NECAB1: variants seen among roughly 807,000 people sequenced by gnomAD.
NECAB1 encodes N-terminal EF-hand calcium binding protein 1.
Under a neutral mutation model 57.5 loss-of-function variants are expected in NECAB1, and 29 were observed. The observed-to-expected ratio is 0.50, with a 90% confidence interval of 0.38 to 0.69. The LOEUF is 0.69. NECAB1 is among the 30% of genes least tolerant of loss of function. The pLI, the probability that NECAB1 is intolerant of heterozygous loss-of-function variation, is 0.00. For synonymous variants in NECAB1, 142 were observed against 147.7 expected (o/e 0.96, Z 0.28); for missense variants, 372 against 413.8 (o/e 0.90, Z 0.88).
chr8:90,941,164 C>A (rs1484920136), intron 10 of NECAB1, among the ~76,000 whole-genome samples: 2 of 152,212 alleles, frequency 1.3e-5, no homozygotes, highest in African/African-American at 4.8e-5. Flanking sequence ...AATAGAACAA[C>A]TTGAATGAAG....
At chr8:90,921,736 T>G (rs771585323) in intron 6 of NECAB1, among the ~76,000 whole-genome samples, 5 of 151,912 alleles carry the variant, frequency 3.3e-5, no homozygotes, top group Middle Eastern at 3.2e-3. Flanking sequence ...TCTAGGATTG[T>G]GATAATTTGC....
chr8:90,906,891 A>ATATATATATATATATGTATGTATATATG (rs71266150), intron 5 of NECAB1, among the ~76,000 whole-genome samples: 2 of 113,400 alleles, frequency 1.8e-5, no homozygotes, highest in East Asian at 2.3e-4. Flanking sequence ...ATATATATAT[A>ATATATATATATATATGTATGTATATATG]TATATATATA....
At chr8:90,887,914 A>G (rs915910811) in intron 5 of NECAB1, among the ~76,000 whole-genome samples, 78 of 152,192 alleles carry the variant, frequency 5.1e-4, no homozygotes, top group African/African-American at 1.7e-3. Flanking sequence ...CTTAAAAAAA[A>G]TTCTTAACAG....
chr8:90,910,207 A>C (rs1809795002), intron 5 of NECAB1, among the ~76,000 whole-genome samples: 2 of 140,714 alleles, frequency 1.4e-5, no homozygotes, highest in African/African-American at 2.5e-5. Flanking sequence ...CATTTCTTGA[A>C]ATCTTTTTCT....
chr8:90,920,149 T>A (rs1038546), intron 6 of NECAB1, among the ~76,000 whole-genome samples: 5 of 152,088 alleles, frequency 3.3e-5, no homozygotes, highest in African/African-American at 1.2e-4. Context: ...AAATGTTACA[T>A]GTCTGACTGC....
chr8:90,933,118 CACT>C (rs1810449435), intron 8 of NECAB1, among the ~76,000 whole-genome samples: 1 of 152,184 alleles, frequency 6.6e-6, no homozygotes, highest in African/African-American at 2.4e-5. Flanking sequence ...AACACTTCTA[CACT>C]GCTGGTGGGA....
At position 90,851,919 on chromosome 8, in the gene NECAB1, G is replaced by T. The variant is rs528828833; in HGVS notation, c.234-20209G>T. Reference sequence around the variant, plus strand: ...TTTCACTGCCCTAAGTTCGTCTGTGGTCCACCTGTGCATCCCTCCCCACCC... The same window carrying T: ...TTTCACTGCCCTAAGTTCGTCTGTGTTCCACCTGTGCATCCCTCCCCACCC... On this transcript the variant is annotated intron_variant, in intron 3 of 12. Coordinates refer to ENST00000417640, the MANE Select transcript of NECAB1 (RefSeq NM_022351.5). Among the ~76,000 whole-genome samples the T allele has an allele frequency of 2.6e-5, 4 of 152,152 alleles. No individual in the cohort carries two copies. The East Asian group carries it at 7.7e-4, about 29-fold the overall frequency.
At chr8:90,892,298 T>G (rs1809201470) in intron 5 of NECAB1, among the ~76,000 whole-genome samples, 1 of 152,188 alleles carries the variant, frequency 6.6e-6, no homozygotes, top group African/African-American at 2.4e-5. Flanking sequence ...GAAATGTCCC[T>G]TGATTTTCTT....
intron 9 of NECAB1, among the ~76,000 whole-genome samples, chr8:90,938,941 T>C (rs1201887802): frequency 4.6e-5 from 7 of 152,340 alleles, no homozygotes; most frequent in Admixed American, 4.6e-4. Context: ...AAGCTGTATG[T>C]TAGCTTTGCT....
intron 10 of NECAB1, among the ~76,000 whole-genome samples, chr8:90,948,591 T>G (rs928464297): frequency 1.3e-5 from 2 of 152,248 alleles, no homozygotes; most frequent in Admixed American, 6.5e-5. Context: ...ATTGTTTTTC[T>G]AACCCCTCGT....
At chr8:90,799,152 T>C (rs1811719520) in intron 1 of NECAB1, among the ~76,000 whole-genome samples, 1 of 152,138 alleles carries the variant, frequency 6.6e-6, no homozygotes, top group African/African-American at 2.4e-5. Context: ...AATGGGGTTC[T>C]TTTTTGTTTT....
intron 10 of NECAB1, 44 bp downstream of exon 10, chr8:90,940,942 G>A: frequency 7.2e-7 from 1 of 1,388,760 alleles, no homozygotes; most frequent in Non-Finnish European, 1.0e-6. Flanking sequence ...GGCAGCCTGG[G>A]AATACAGTGA....
At position 90,803,290 on chromosome 8, in the gene NECAB1, A is replaced by T. The variant is rs142441323; in HGVS notation, c.124+1575A>T. 4.2e-4 allele frequency among the ~76,000 whole-genome samples: 64 copies of T among 152,274 alleles called. No individual in the cohort carries two copies. In the East Asian group the frequency reaches 0.011, roughly 25 times the overall value. ...TTTTGCCTGATATCCAGCCCCAGGG[A>T]TGCCTGGTGTACAATTGAATAGCCC... is the stretch of plus-strand genomic sequence containing the variant. On this transcript the variant is annotated intron_variant, in intron 2 of 12. Transcript: ENST00000417640.
At chr8:90,907,154 G>GAA (rs1809707249) in intron 5 of NECAB1, among the ~76,000 whole-genome samples, 1 of 108,694 alleles carries the variant, frequency 9.2e-6, no homozygotes, top group Non-Finnish European at 1.8e-5. Context: ...GTGTGTGTGA[G>GAA]AGAGAGAGAG....
At chr8:90,837,261 A>G (rs922147145) in intron 3 of NECAB1, among the ~76,000 whole-genome samples, 21 of 152,252 alleles carry the variant, frequency 1.4e-4, no homozygotes, top group Non-Finnish European at 2.8e-4. Context: ...TTTATCTGCC[A>G]GGGATAAGTT....
At position 90,957,629 on chromosome 8, in the gene NECAB1, A is replaced by G. The variant is rs1811055430; in HGVS notation, c.*2117A>G. On this transcript the variant is annotated 3_prime_UTR_variant, in exon 13 of 13. Transcript: ENST00000417640. Reference sequence around the variant, plus strand: ...TGTGTGTGAGTGTGTATTCACATACACATATATACTGGAACCTATAGTAGA... The same window carrying G: ...TGTGTGTGAGTGTGTATTCACATACGCATATATACTGGAACCTATAGTAGA... 6.6e-6 allele frequency: 1 copy of G among 150,852 alleles called. No homozygotes were observed. The highest frequency in any genetic ancestry group is 1.5e-5 in the Non-Finnish European group (1 of 67,508). The allele number at this position is 150,852 out of a possible 1,614,324, so 9.3% of individuals were successfully genotyped here.
At chr8:90,875,308 C>T (rs960796186) in intron 4 of NECAB1, among the ~76,000 whole-genome samples, 1 of 150,090 alleles carries the variant, frequency 6.7e-6, no homozygotes, top group African/African-American at 2.5e-5. Flanking sequence ...GGTGAAACCC[C>T]GTCTCTACTA....
intron 3 of NECAB1, among the ~76,000 whole-genome samples, chr8:90,863,353 A>G (rs564102963): frequency 9.9e-5 from 15 of 152,142 alleles, no homozygotes; most frequent in Non-Finnish European, 2.1e-4. Flanking sequence ...ACAATTTTTC[A>G]TTGCATAAAA....
In NECAB1 at chr8:90,875,208, G is replaced by A. The variant is rs1007818709; in HGVS notation, c.259+3055G>A. Reference sequence around the variant, plus strand: ...TAAGAATAGATAGTTGAGGCCGGGCGCGGTGGCTCACGCCTGTAATCCCAG... The same window carrying A: ...TAAGAATAGATAGTTGAGGCCGGGCACGGTGGCTCACGCCTGTAATCCCAG... On this transcript the variant is annotated intron_variant, in intron 4 of 12. Transcript: ENST00000417640. Among the ~76,000 whole-genome samples the A allele has an allele frequency of 6.6e-5, 10 of 152,088 alleles. 1 individual carries two copies. Among genetic ancestry groups the A allele is most frequent in the Non-Finnish European group, 1.2e-4 (8 of 68,020 alleles).
Sources: allele counts gnomAD v4.1 joint callset (sites outside exome capture counted in the v4.1 genomes callset), GRCh38; gene constraint gnomAD v4.1.1; transcripts MANE v1.5; gene names NCBI Gene and HGNC (gene_info 2026-07-23, HGNC 2026-07-21).